Variants in AMY2B observed in about 807,000 individuals in gnomAD.
The protein encoded by AMY2B is alpha-amylase 2B.
Under a neutral mutation model 59.3 loss-of-function variants are expected in AMY2B, and 63 were observed. The observed-to-expected ratio is 1.06, with a 90% CI of 0.87 to 1.31. The LOEUF (loss-of-function observed/expected upper bound fraction) is 1.31, where lower values mean the gene tolerates loss of function less well. Among genes scored for constraint, AMY2B ranks in the 50% most tolerant of loss-of-function variants. AMY2B has a pLI of 0.00. For synonymous variants in AMY2B, 180 were observed against 198.1 expected (o/e 0.91, Z 0.77); for missense variants, 635 against 626.7 (o/e 1.01, Z -0.14).
chr1:103,566,457 T>G (rs955102738), intron 2 of AMY2B, among the ~76,000 whole-genome samples: 1 of 152,188 alleles, frequency 6.6e-6, no homozygotes. Context: ...TAAATTCTGT[T>G]TAGCCTAATG....
chr1:103,570,484 T>A (rs954666307), upstream of AMY2B: 2 of 673,400 alleles, frequency 3.0e-6, no homozygotes, highest in Admixed American at 1.8e-5. Flanking sequence ...ACCGACAGGA[T>A]GCAGAAGGAG....
intron 1 of AMY2B, among the ~76,000 whole-genome samples, chr1:103,557,966 A>G (rs1165422615): frequency 6.6e-6 from 1 of 152,162 alleles, no homozygotes; most frequent in Non-Finnish European, 1.5e-5. Context: ...TTCTTTATAT[A>G]TTTAAACTCG....
intron 1 of AMY2B, among the ~76,000 whole-genome samples, chr1:103,559,674 G>A (rs1490258597): frequency 6.6e-6 from 1 of 152,086 alleles, no homozygotes; most frequent in Admixed American, 6.6e-5. Flanking sequence ...GAAAAAGGAA[G>A]CAAATTTCAA....
At chr1:103,554,877 A>T (rs1651495332) in exon 1 of AMY2B, 1 of 152,454 alleles carries the variant, frequency 6.6e-6, no homozygotes. Context: ...TAAATGTTAT[A>T]AATCAGTTTC....
chr1:103,571,291 T>A, upstream of AMY2B: 1 of 752,340 alleles, frequency 1.3e-6, no homozygotes, highest in Non-Finnish European at 1.9e-6. Context: ...TTTAAAGAGA[T>A]GACAACAAAT....
intron 1 of AMY2B, among the ~76,000 whole-genome samples, chr1:103,558,902 A>T (rs1196612495): frequency 6.6e-6 from 1 of 150,970 alleles, no homozygotes; most frequent in Non-Finnish European, 1.5e-5. Flanking sequence ...TATACTGAAC[A>T]TGTATTGAGT....
chr1:103,577,808 G>A lies in AMY2B; in HGVS notation c.1309G>A (p.Gly437Arg). The A allele has an allele frequency of 6.2e-7, 1 of 1,605,204 alleles. No homozygotes were observed. Among genetic ancestry groups the A allele is most frequent in the Non-Finnish European group, 8.5e-7 (1 of 1,179,726 alleles). ...GAGCAACCAAGTGGCTTTTGGGAGA[G>A]GAAACAGAGGATTCATTGTTTTCAA... is the stretch of plus-strand genomic sequence containing the variant. ...NGSNQVAFGRGNRGFIVFNND... is the reference protein window; with the variant it reads ...NGSNQVAFGRRNRGFIVFNND... The change falls in exon 9 of 10, where the codon GGA (glycine) becomes AGA (arginine). Residue 437 changes from glycine (G) to arginine (R), a missense_variant. Coordinates refer to ENST00000684275, the MANE Select transcript of AMY2B (RefSeq NM_001387437.1).
intron 9 of AMY2B, among the ~76,000 whole-genome samples, chr1:103,578,591 A>C (rs1385002621): frequency 2.0e-5 from 3 of 152,168 alleles, no homozygotes; most frequent in Admixed American, 6.5e-5. Context: ...AAAATAAATA[A>C]ATACATAAAT....
At chr1:103,571,875 G>C in intron 1 of AMY2B, 105 bp downstream of exon 1, 1 of 1,602,548 alleles carries the variant, frequency 6.2e-7, no homozygotes, top group East Asian at 2.2e-5. Context: ...TCACAGGTAA[G>C]TATTCTAAGT....
rs137860562 is a variant in AMY2B, at chr1:103,573,922, C to A, written c.728C>A (p.Pro243His). The A allele has an allele frequency of 4.3e-4, 686 of 1,613,742 alleles. No individual in the cohort carries two copies. The highest frequency in any genetic ancestry group is 5.3e-4 in the Non-Finnish European group (622 of 1,179,738). Reference sequence around the variant, plus strand: ...AACTGGTTCCCTGCAGGAAGTAAACCTTTCATTTACCAGGAGGTACATCAA... The same window carrying A: ...AACTGGTTCCCTGCAGGAAGTAAACATTTCATTTACCAGGAGGTACATCAA... The part of the protein sequence containing the change: ...NSNWFPAGSK[P>H]FIYQEVIDLG... The change falls in exon 4 of 10, where the codon CCT becomes CAT. Residue 243 changes from proline to histidine, a missense_variant. Pro to His is a moderately conservative substitution (Grantham distance 77). Transcript: ENST00000684275.
At chr1:103,570,441 G>T (rs957601906), upstream of AMY2B, 1 of 814,568 alleles carries the variant, frequency 1.2e-6, no homozygotes, top group African/African-American at 1.7e-5. Flanking sequence ...GGCCAACACG[G>T]TGCTATCTGG....
In AMY2B at chr1:103,574,276, G is replaced by A; in HGVS notation, c.761G>A (p.Gly254Asp). The A allele has an allele frequency of 6.2e-7, 1 of 1,611,714 alleles. No individual in the cohort carries two copies. The highest frequency in any genetic ancestry group is 8.5e-7 in the Non-Finnish European group (1 of 1,179,704). ...FIYQEVIDLG[G>D]EPIKSSDYFG... ...TTCTACTAGGTAATTGATCTGGGTG[G>A]TGAGCCAATTAAAAGCAGTGACTAC... Residue 254 changes from glycine (G) to aspartate (D), a missense_variant, in exon 5 of 10, where the codon GGT (glycine) becomes GAT (aspartate). Coordinates refer to ENST00000684275, the MANE Select transcript of AMY2B (RefSeq NM_001387437.1).
intron 5 of AMY2B, 89 bp from the exon 6 acceptor site, chr1:103,575,134 C>T: frequency 1.3e-6 from 2 of 1,574,660 alleles, no homozygotes; most frequent in Non-Finnish European, 1.7e-6. Context: ...CTTCAGATGC[C>T]ATGCCATGCA....
chr1:103,570,605 G>A (rs1652090133), upstream of AMY2B: 6 of 589,636 alleles, frequency 1.0e-5, no homozygotes, highest in African/African-American at 1.9e-5. Flanking sequence ...CAGCCTTCCA[G>A]CAGATGTGGA....
upstream of AMY2B, chr1:103,569,938 C>A: frequency 2.1e-6 from 1 of 469,160 alleles, no homozygotes; most frequent in Non-Finnish European, 4.2e-6. Flanking sequence ...CCTTCAACAC[C>A]CTGGCCATGT....
chr1:103,561,279 TG>T (rs1238657905), intron 1 of AMY2B, among the ~76,000 whole-genome samples: 2 of 152,132 alleles, frequency 1.3e-5, no homozygotes, highest in African/African-American at 2.4e-5. Context: ...GTTTTTTGTT[TG>T]TTTTGAGACG....
At chr1:103,564,327 A>C (rs1651834242) in intron 1 of AMY2B, among the ~76,000 whole-genome samples, 1 of 152,084 alleles carries the variant, frequency 6.6e-6, no homozygotes, top group Non-Finnish European at 1.5e-5. Context: ...CATGAAGTTC[A>C]AATGGTGCCC....
chr1:103,561,452 G>C (rs1477472284), intron 1 of AMY2B, among the ~76,000 whole-genome samples: 1 of 151,998 alleles, frequency 6.6e-6, no homozygotes, highest in East Asian at 1.9e-4. Flanking sequence ...AGTTTTAGTA[G>C]AGACAGGGTT....
At chr1:103,578,410 T>G (rs1652447175) in intron 9 of AMY2B, among the ~76,000 whole-genome samples, 1 of 152,174 alleles carries the variant, frequency 6.6e-6, no homozygotes. Flanking sequence ...GTTCCGAAAC[T>G]TCTCATTATT....
Sources: allele counts gnomAD v4.1 joint callset (sites outside exome capture counted in the v4.1 genomes callset), GRCh38; gene constraint gnomAD v4.1.1; transcripts MANE v1.5; gene names NCBI Gene and HGNC (gene_info 2026-07-23, HGNC 2026-07-21).